The following PRKD3 variants were observed in gnomAD, a reference collection of about 807,000 sequenced individuals.
The protein encoded by PRKD3 is serine/threonine-protein kinase D3.
In PRKD3, 47 loss-of-function variants were observed where a neutral mutation model predicts 99.2. That is an observed-to-expected ratio of 0.47 (90% confidence interval 0.38 to 0.60). PRKD3 has a LOEUF of 0.60. PRKD3 is among the 20% of genes least tolerant of loss of function. The pLI, the probability that PRKD3 is intolerant of heterozygous loss-of-function variation, is 0.00. For synonymous variants in PRKD3, 392 were observed against 355.4 expected, an observed-to-expected ratio of 1.10 and a Z score of -1.16; for missense variants, 1,019 against 1,088.4, an observed-to-expected ratio of 0.94 and a Z score of 0.90.
At chr2:37,289,215 A>G in intron 5 of PRKD3, 141 bp downstream of exon 5, 1 of 1,029,828 alleles carries the variant, frequency 9.7e-7, no homozygotes, top group Non-Finnish European at 1.4e-6. Flanking sequence ...TCCTGTCTCC[A>G]TTACTACATT....
chr2:37,310,170 C>T (rs934335518), intron 2 of PRKD3, among the ~76,000 whole-genome samples: 7 of 152,188 alleles, frequency 4.6e-5, no homozygotes, highest in Non-Finnish European at 7.3e-5. Context: ...TAGTAGTTTT[C>T]AGTCATTTCT....
At chr2:37,297,313 G>GTA in intron 2 of PRKD3, among the ~76,000 whole-genome samples, 1 of 152,050 alleles carries the variant, frequency 6.6e-6, no homozygotes, top group South Asian at 2.1e-4. Flanking sequence ...TGTATGTATT[G>GTA]TATATACTCT....
chr2:37,298,494 A>C (rs1357893790), intron 2 of PRKD3, among the ~76,000 whole-genome samples: 1 of 152,010 alleles, frequency 6.6e-6, no homozygotes, highest in Non-Finnish European at 1.5e-5. Context: ...ACTTAACCTC[A>C]GTTTTTCCAT....
At chr2:37,284,171 T>C (rs1172329246) in intron 6 of PRKD3, among the ~76,000 whole-genome samples, 1 of 152,198 alleles carries the variant, frequency 6.6e-6, no homozygotes, top group East Asian at 1.9e-4. Flanking sequence ...CTTAACAAAA[T>C]CATTTTTCTT....
chr2:37,254,570 C>G (rs1667783980), intron 17 of PRKD3, among the ~76,000 whole-genome samples: 1 of 152,086 alleles, frequency 6.6e-6, no homozygotes, highest in African/African-American at 2.4e-5. Context: ...GTTCTGCCAC[C>G]TACTAGCTGT....
intron 2 of PRKD3, among the ~76,000 whole-genome samples, chr2:37,312,127 C>A (rs13384958): frequency 0.045 from 6,785 of 152,098 alleles, 168 homozygotes; most frequent in African/African-American, 0.051. Flanking sequence ...AAAAAGCTAA[C>A]CAGGAAATGC....
chr2:37,287,667 C>T (rs1158998140), intron 5 of PRKD3, among the ~76,000 whole-genome samples: 2 of 152,044 alleles, frequency 1.3e-5, no homozygotes, highest in Non-Finnish European at 2.9e-5. Flanking sequence ...AATTTTGTGT[C>T]CCTAGTATAT....
chr2:37,261,710 G>A (rs1383169715), intron 14 of PRKD3, among the ~76,000 whole-genome samples: 1 of 152,176 alleles, frequency 6.6e-6, no homozygotes, highest in Non-Finnish European at 1.5e-5. Flanking sequence ...AACCTGGGAG[G>A]CAGAGGTTGC....
At chr2:37,301,645 C>T (rs994123985) in intron 2 of PRKD3, among the ~76,000 whole-genome samples, 17 of 152,102 alleles carry the variant, frequency 1.1e-4, no homozygotes, top group Non-Finnish European at 1.8e-4. Flanking sequence ...TCAAAAGGGG[C>T]GGGGGCAGAA....
rs150814480 is a variant in PRKD3, at chr2:37,320,947, CT to C, written c.-656+3733del. 4.8e-3 allele frequency among the ~76,000 whole-genome samples: 731 copies of C among 152,322 alleles called. 8 individuals are homozygous for C. The highest frequency in any genetic ancestry group is 0.016 in the African/African-American group (669 of 41,576). On this transcript the variant is annotated intron_variant, in intron 1 of 18. Coordinates refer to ENST00000234179, the MANE Select transcript of PRKD3 (RefSeq NM_005813.6). ...AAGAGCTGTCAGATTTCTGCCCACT[CT>C]TTCCATTTTCCCTCTCCTGGTTTGG...
chr2:37,256,627 AATTTTTTTTTT>A (rs1188976652), intron 17 of PRKD3, 24 bp downstream of exon 17: 4 of 1,247,348 alleles, frequency 3.2e-6, no homozygotes, highest in Admixed American at 3.3e-5. Context: ...ACATAGCCAA[AATTTTTTTTTT>A]TTTTTTTTTT....
chr2:37,285,367 G>C (rs1280923596), intron 6 of PRKD3, among the ~76,000 whole-genome samples: 1 of 152,112 alleles, frequency 6.6e-6, no homozygotes, highest in Non-Finnish European at 1.5e-5. Context: ...GTTTCATTAA[G>C]AGATGTTTTG....
At chr2:37,309,707 G>C (rs1408185068) in intron 2 of PRKD3, among the ~76,000 whole-genome samples, 2 of 152,104 alleles carry the variant, frequency 1.3e-5, no homozygotes, top group Admixed American at 6.5e-5. Flanking sequence ...TATTAGCTGG[G>C]TGTGGTGGTG....
intron 2 of PRKD3, among the ~76,000 whole-genome samples, chr2:37,304,130 A>G (rs568918428): frequency 6.6e-6 from 1 of 152,124 alleles, no homozygotes; most frequent in South Asian, 2.1e-4. Context: ...CTCCATGAGG[A>G]AAAGAATATT....
At chr2:37,285,040 A>T (rs918799256) in intron 6 of PRKD3, among the ~76,000 whole-genome samples, 2 of 152,172 alleles carry the variant, frequency 1.3e-5, no homozygotes, top group African/African-American at 4.8e-5. Context: ...CCTCAACCCT[A>T]ATGTTTTATT....
chr2:37,316,172 C>T lies in PRKD3; in HGVS notation c.288+65G>A, dbSNP rs1335867869. 24 of 1,446,562 alleles carry T rather than the reference C, an allele frequency of 1.7e-5. 1 individual carries two copies. Among genetic ancestry groups the T allele is most frequent in the African/African-American group, 9.9e-5 (7 of 70,956 alleles). 89.6% of individuals were successfully genotyped at this position (1,446,562 alleles called of 1,614,324 possible). A position where few individuals can be genotyped will look rare whatever the true frequency, so the allele number is the denominator to read the frequency against. The stretch of plus-strand genomic sequence containing the variant: ...CAGTATGTCTTAACTCACTGGTACA[C>T]GTATAATTTATAGAAAAACATCAGT... On this transcript the variant is annotated intron_variant, in intron 2 of 18. Transcript: ENST00000234179.
Position 37,253,116 on chromosome 2 carries a change from T to G in PRKD3, c.*61A>C. Reference sequence around the variant, plus strand: ...CAGATGACAATCTACAAAGAACAAGTTACACAGCAAAATATCAGTCCATAA... The same window carrying G: ...CAGATGACAATCTACAAAGAACAAGGTACACAGCAAAATATCAGTCCATAA... On this transcript the variant is annotated 3_prime_UTR_variant, in exon 19 of 19. Coordinates refer to ENST00000234179, the MANE Select transcript of PRKD3 (RefSeq NM_005813.6). 6.7e-7 allele frequency: 1 copy of G among 1,482,610 alleles called. No individual in the cohort carries two copies. The highest frequency in any genetic ancestry group is 1.3e-5 in the South Asian group (1 of 77,352). The allele number at this position is 1,482,610 out of a possible 1,614,324, so 91.8% of individuals were successfully genotyped here. A position where few individuals can be genotyped will look rare whatever the true frequency, so the allele number is the denominator to read the frequency against.
At chr2:37,254,132 T>C (rs1220402946) in intron 18 of PRKD3, 72 bp downstream of exon 18, 1 of 1,106,056 alleles carries the variant, frequency 9.0e-7, no homozygotes, top group African/African-American at 1.5e-5. Flanking sequence ...TAGAGTGGTC[T>C]CATTAGGTGG....
chr2:37,297,954 G>A (rs1670746653), intron 2 of PRKD3, among the ~76,000 whole-genome samples: 1 of 152,108 alleles, frequency 6.6e-6, no homozygotes, highest in East Asian at 1.9e-4. Flanking sequence ...TTAAGAAGTG[G>A]AAAGGTTTGT....
Sources: allele counts gnomAD v4.1 joint callset (sites outside exome capture counted in the v4.1 genomes callset), GRCh38; gene constraint gnomAD v4.1.1; transcripts MANE v1.5; gene names NCBI Gene and HGNC (gene_info 2026-07-23, HGNC 2026-07-21).